The following MYO10 variants were observed in gnomAD, a reference collection of about 807,000 sequenced individuals.
MYO10 encodes myosin X, also known as unconventional myosin-X.
In MYO10, 133 loss-of-function variants were observed where a neutral mutation model predicts 257.3. The ratio of observed to expected loss-of-function variants is 0.52; its 90% CI spans 0.45 to 0.60. The LOEUF (loss-of-function observed/expected upper bound fraction) is 0.60, where lower values mean the gene tolerates loss of function less well. Ranked by LOEUF, MYO10 falls within the 20% of genes least tolerant of loss-of-function variation. MYO10 has a pLI of 0.00. For synonymous variants in MYO10, 1,104 were observed against 1,028.6 expected, an observed-to-expected ratio of 1.07 and a Z score of -1.40; for missense variants, 2,399 against 2,635.7, an observed-to-expected ratio of 0.91 and a Z score of 1.97.
At position 16,666,543 on chromosome 5, in the gene MYO10, A is replaced by C; in HGVS notation, c.*149T>G. The C allele has an allele frequency of 1.6e-6, 1 of 617,578 alleles. No individual in the cohort carries two copies. The highest frequency in any genetic ancestry group is 2.0e-5 in the South Asian group (1 of 49,212). The allele number at this position is 617,578 out of a possible 1,614,324, so 38.3% of individuals were successfully genotyped here. ...ATCAATGAAGGCGGCAGGCAAAAGGATCCTCGGAGACACCTCCCTCAGACC... is the reference window on the plus strand; with the variant it reads ...ATCAATGAAGGCGGCAGGCAAAAGGCTCCTCGGAGACACCTCCCTCAGACC... On this transcript the variant is annotated 3_prime_UTR_variant, in exon 41 of 41. Transcript: ENST00000513610.
chr5:16,834,272 C>T (rs1220149117), intron 2 of MYO10, among the ~76,000 whole-genome samples: 2 of 152,118 alleles, frequency 1.3e-5, no homozygotes, highest in Non-Finnish European at 2.9e-5. Context: ...TTTTCTTACC[C>T]CTGCCTAGTA....
intron 2 of MYO10, among the ~76,000 whole-genome samples, chr5:16,852,050 CAAAAAAAAAAAA>C (rs70943811): frequency 1.2e-4 from 5 of 42,570 alleles, no homozygotes; most frequent in South Asian, 1.7e-3. Context: ...GACTCCATCT[CAAAAAAAAAAAA>C]AAAAAAAAAA....
At chr5:16,712,587 C>G (rs1236518482) in intron 19 of MYO10, among the ~76,000 whole-genome samples, 1 of 152,178 alleles carries the variant, frequency 6.6e-6, no homozygotes, top group Admixed American at 6.5e-5. Context: ...AAAATGCAGT[C>G]ATTAACACAG....
chr5:16,874,392 T>C (rs1283431929), intron 2 of MYO10, among the ~76,000 whole-genome samples: 2 of 129,190 alleles, frequency 1.5e-5, no homozygotes, highest in Non-Finnish European at 3.1e-5. Flanking sequence ...GGCTGCAAAA[T>C]TTCCAAACCG....
intron 10 of MYO10, among the ~76,000 whole-genome samples, chr5:16,767,166 T>C (rs1033297006): frequency 7.6e-6 from 1 of 132,220 alleles, no homozygotes; most frequent in Non-Finnish European, 1.6e-5. Flanking sequence ...AACCCAACTG[T>C]CTTTTTTTTT....
chr5:16,757,560 A>C (rs752512215), intron 18 of MYO10, among the ~76,000 whole-genome samples: 4 of 152,176 alleles, frequency 2.6e-5, no homozygotes, highest in East Asian at 3.8e-4. Flanking sequence ...AATGGCCTTA[A>C]GGAGTTTGCT....
intron 1 of MYO10, among the ~76,000 whole-genome samples, chr5:16,925,958 T>C (rs1746118977): frequency 6.6e-6 from 1 of 152,156 alleles, no homozygotes; most frequent in Admixed American, 6.5e-5. Flanking sequence ...TTTCTTTGAG[T>C]GTCATTTCGG....
chr5:16,849,096 C>T (rs1397386795), intron 2 of MYO10, among the ~76,000 whole-genome samples: 1 of 152,154 alleles, frequency 6.6e-6, no homozygotes, highest in Non-Finnish European at 1.5e-5. Context: ...GCTGGGACTA[C>T]AGGTATGAGC....
At chr5:16,873,928 G>A (rs376172422) in intron 2 of MYO10, among the ~76,000 whole-genome samples, 50 of 152,268 alleles carry the variant, frequency 3.3e-4, no homozygotes, top group African/African-American at 1.1e-3. Context: ...AGGGGCTGCC[G>A]TGAAGGTCTC....
intron 37 of MYO10, among the ~76,000 whole-genome samples, chr5:16,672,411 T>TA (rs751706562): frequency 7.3e-6 from 1 of 136,302 alleles, no homozygotes; most frequent in Non-Finnish European, 1.7e-5. Context: ...ACTGGAAACC[T>TA]AAAAAATCAA....
At chr5:16,728,071 G>A (rs543801377) in intron 19 of MYO10, among the ~76,000 whole-genome samples, 73 of 152,230 alleles carry the variant, frequency 4.8e-4, no homozygotes, top group East Asian at 1.2e-3. Context: ...CGTGTTGAGC[G>A]TGTGATTGAA....
At chr5:16,788,170 C>G (rs1482844686) in intron 4 of MYO10, among the ~76,000 whole-genome samples, 1 of 151,860 alleles carries the variant, frequency 6.6e-6, no homozygotes, top group Non-Finnish European at 1.5e-5. Flanking sequence ...AAAGGTGATG[C>G]GGGAAGGGCC....
At chr5:16,772,860 G>A (rs985598975) in intron 9 of MYO10, among the ~76,000 whole-genome samples, 8 of 152,124 alleles carry the variant, frequency 5.3e-5, no homozygotes, top group African/African-American at 1.9e-4. Context: ...CTCTAAAGAA[G>A]ATAACCGTAT....
intron 3 of MYO10, among the ~76,000 whole-genome samples, chr5:16,805,787 A>T (rs1742258277): frequency 6.6e-6 from 1 of 152,120 alleles, no homozygotes; most frequent in South Asian, 2.1e-4. Context: ...GTTCCACATA[A>T]CTCACCCCCA....
At chr5:16,881,118 A>G (rs770792997) in intron 1 of MYO10, among the ~76,000 whole-genome samples, 3 of 152,204 alleles carry the variant, frequency 2.0e-5, no homozygotes, top group South Asian at 2.1e-4. Flanking sequence ...CCCTAGTCCA[A>G]AGCTTTCTGT....
chr5:16,702,711 C>T (rs1738140689), intron 23 of MYO10, 123 bp from the exon 24 acceptor site: 1 of 1,011,490 alleles, frequency 9.9e-7, no homozygotes, highest in Non-Finnish European at 1.5e-6. Flanking sequence ...GAGCCCCTTC[C>T]TCTGGCCATG....
intron 19 of MYO10, among the ~76,000 whole-genome samples, chr5:16,750,714 G>A (rs1298384332): frequency 1.3e-5 from 2 of 152,120 alleles, no homozygotes; most frequent in Non-Finnish European, 2.9e-5. Flanking sequence ...AGATACTTCT[G>A]ACCAGGCTCA....
intron 2 of MYO10, among the ~76,000 whole-genome samples, chr5:16,844,613 A>G (rs1743574810): frequency 6.6e-6 from 1 of 152,172 alleles, no homozygotes; most frequent in Non-Finnish European, 1.5e-5. Flanking sequence ...ATTGGCATAA[A>G]CAGGATTCTA....
intron 19 of MYO10, chr5:16,713,530 T>A: frequency 1.0e-6 from 1 of 979,490 alleles, no homozygotes; most frequent in Non-Finnish European, 1.2e-6. Flanking sequence ...GTGGTGTGGT[T>A]GTAGGATTTG....
Sources: gnomAD v4.1 joint callset for allele counts (sites outside exome capture counted in the v4.1 genomes callset) on GRCh38, gnomAD v4.1.1 for gene constraint, MANE v1.5 for transcripts, NCBI Gene and HGNC (gene_info 2026-07-23, HGNC 2026-07-21) for gene names.